KCNMA1: variants seen among roughly 807,000 people sequenced by gnomAD.
KCNMA1 encodes potassium calcium-activated channel subfamily M alpha 1, also known as Calcium-activated potassium channel subunit alpha-1.
In KCNMA1, 29 loss-of-function variants were observed where a neutral mutation model predicts 140.0. The ratio of observed to expected loss-of-function variants is 0.21; its 90% CI spans 0.15 to 0.28. KCNMA1 has a LOEUF of 0.28. Ranked by LOEUF, KCNMA1 falls within the 10% of genes least tolerant of loss-of-function variation. The probability of loss-of-function intolerance (pLI) is 1.00; values close to 1 mark genes in which losing one functional copy is unlikely to be tolerated. For synonymous variants in KCNMA1, 612 were observed against 611.9 expected, an observed-to-expected ratio of 1.00 and a Z score of 0.00; for missense variants, 880 against 1,602.2, an observed-to-expected ratio of 0.55 and a Z score of 7.70.
intron 19 of KCNMA1, among the ~76,000 whole-genome samples, chr10:76,990,130 A>C (rs939741299): frequency 1.3e-5 from 2 of 152,228 alleles, no homozygotes; most frequent in Non-Finnish European, 2.9e-5. Flanking sequence ...TCAAAGTCAC[A>C]TGGTAGTAGG....
chr10:77,044,817 G>A (rs1362505911), intron 14 of KCNMA1, among the ~76,000 whole-genome samples: 2 of 152,168 alleles, frequency 1.3e-5, no homozygotes, highest in Non-Finnish European at 2.9e-5. Context: ...AAGTGAATCC[G>A]TGGTACAAAC....
chr10:77,244,574 G>C (rs111824728), intron 3 of KCNMA1, among the ~76,000 whole-genome samples: 2 of 152,210 alleles, frequency 1.3e-5, no homozygotes, highest in Non-Finnish European at 2.9e-5. Flanking sequence ...CAATCTGTTT[G>C]ACAACCAAAG....
At chr10:77,054,645 T>C (rs2095482781) in intron 14 of KCNMA1, among the ~76,000 whole-genome samples, 2 of 152,184 alleles carry the variant, frequency 1.3e-5, no homozygotes, top group Admixed American at 6.5e-5. Flanking sequence ...CCCCTGTATT[T>C]CTCCGAACAT....
chr10:76,995,628 G>C (rs1295846438), intron 19 of KCNMA1: 1 of 471,016 alleles, frequency 2.1e-6, no homozygotes, highest in Non-Finnish European at 4.4e-6. Flanking sequence ...GGCCACATCT[G>C]CCCTCCACCA....
chr10:77,056,586 C>T (rs2095548777), intron 14 of KCNMA1, among the ~76,000 whole-genome samples: 1 of 150,264 alleles, frequency 6.7e-6, no homozygotes, highest in South Asian at 2.1e-4. Flanking sequence ...TGGAAAAAGA[C>T]AATCAGCAGA....
intron 2 of KCNMA1, among the ~76,000 whole-genome samples, chr10:77,282,432 A>G (rs2068982904): frequency 6.7e-6 from 1 of 150,318 alleles, no homozygotes; most frequent in African/African-American, 2.4e-5. Context: ...ATGAAGGATG[A>G]CTCTTATTCT....
At chr10:77,532,468 T>C (rs563834222) in intron 1 of KCNMA1, among the ~76,000 whole-genome samples, 32 of 152,320 alleles carry the variant, frequency 2.1e-4, no homozygotes, top group African/African-American at 7.7e-4. Context: ...GGACACTCCT[T>C]GGGTGGGAAG....
rs908826348 is a variant in KCNMA1, at chr10:77,286,946, A to G, written c.541-35690T>C. On this transcript the variant is annotated intron_variant, in intron 2 of 27. Transcript: ENST00000286628. ...ATGTCCTCTAAAACACCCTAAGTGG[A>G]AAGCATTGCCTGTTGAGGATTAGAG... is the stretch of plus-strand genomic sequence containing the variant. 3.9e-5 allele frequency among the ~76,000 whole-genome samples: 6 copies of G among 152,338 alleles called. No homozygotes were observed. The East Asian group carries it at 5.8e-4, about 15-fold the overall frequency.
chr10:77,259,709 T>A (rs915313702), intron 2 of KCNMA1, among the ~76,000 whole-genome samples: 2 of 152,184 alleles, frequency 1.3e-5, no homozygotes, highest in Non-Finnish European at 2.9e-5. Flanking sequence ...TCACATGGGA[T>A]GCCCATCCTT....
chr10:77,356,713 G>A (rs2093514382), intron 2 of KCNMA1, among the ~76,000 whole-genome samples: 1 of 152,148 alleles, frequency 6.6e-6, no homozygotes, highest in Non-Finnish European at 1.5e-5. Flanking sequence ...TACCTGACTA[G>A]CATTCATTGC....
intron 1 of KCNMA1, among the ~76,000 whole-genome samples, chr10:77,425,238 C>G (rs1341873013): frequency 6.6e-6 from 1 of 152,198 alleles, no homozygotes; most frequent in African/African-American, 2.4e-5. Flanking sequence ...ATTTATTTAA[C>G]ATTGTAGTCA....
At chr10:77,497,730 T>A (rs1242527848) in intron 1 of KCNMA1, among the ~76,000 whole-genome samples, 2 of 152,184 alleles carry the variant, frequency 1.3e-5, no homozygotes, top group African/African-American at 4.8e-5. Flanking sequence ...CAATATCAAA[T>A]CCAGTGCTCC....
intron 5 of KCNMA1, among the ~76,000 whole-genome samples, chr10:77,179,354 C>A (rs1272401678): frequency 6.6e-6 from 1 of 152,130 alleles, no homozygotes; most frequent in Non-Finnish European, 1.5e-5. Context: ...CCAGATGGAG[C>A]AGGTCGGATC....
At position 77,122,660 on chromosome 10, in the gene KCNMA1, T is replaced by C. The variant is rs187995813; in HGVS notation, c.809-1612A>G. 3.0e-4 allele frequency among the ~76,000 whole-genome samples: 45 copies of C among 152,146 alleles called. No individual in the cohort carries two copies. In the East Asian group the frequency reaches 7.9e-3, roughly 27 times the overall value. On this transcript the variant is annotated intron_variant, in intron 5 of 27. Coordinates refer to ENST00000286628, the MANE Select transcript of KCNMA1 (RefSeq NM_001161352.2). ...GCCAAAGGGAAGTCAAAACATCACA[T>C]TGATCATAAGCAAAGGCCAGGACAT...
chr10:77,056,317 T>C (rs1298437943), intron 14 of KCNMA1, among the ~76,000 whole-genome samples: 7 of 151,820 alleles, frequency 4.6e-5, no homozygotes, highest in Non-Finnish European at 2.9e-5. Flanking sequence ...AAGGCAGAAG[T>C]TGTAGTGAGC....
intron 3 of KCNMA1, among the ~76,000 whole-genome samples, chr10:77,197,919 G>A (rs1451635850): frequency 6.6e-6 from 1 of 152,144 alleles, no homozygotes; most frequent in Non-Finnish European, 1.5e-5. Context: ...ACACTGTACA[G>A]AGCGCTGGCA....
intron 5 of KCNMA1, among the ~76,000 whole-genome samples, chr10:77,145,930 A>G (rs2098279946): frequency 6.6e-6 from 1 of 152,246 alleles, no homozygotes; most frequent in South Asian, 2.1e-4. Flanking sequence ...GAACAGTAAT[A>G]GTAACCTACC....
chr10:77,383,010 A>ATATATG (rs1343046034), intron 2 of KCNMA1, among the ~76,000 whole-genome samples: 6 of 124,270 alleles, frequency 4.8e-5, no homozygotes, highest in African/African-American at 2.1e-4. Flanking sequence ...ATATATATAT[A>ATATATG]TATATATATA....
chr10:77,298,982 T>C (rs1222823348), intron 2 of KCNMA1, among the ~76,000 whole-genome samples: 2 of 152,206 alleles, frequency 1.3e-5, no homozygotes, highest in Admixed American at 6.5e-5. Flanking sequence ...ATAATAAATA[T>C]GTCTTTTGAA....
Sources: allele counts gnomAD v4.1 joint callset (sites outside exome capture counted in the v4.1 genomes callset), GRCh38; gene constraint gnomAD v4.1.1; transcripts MANE v1.5; gene names NCBI Gene and HGNC (gene_info 2026-07-23, HGNC 2026-07-21).